Variants in LEPR observed in about 807,000 individuals in gnomAD.
LEPR encodes the protein OB receptor.
LEPR carries 56 observed loss-of-function variants against 114.7 expected under a neutral mutation model. That is an observed-to-expected ratio of 0.49 (90% CI 0.39 to 0.61). LEPR has a LOEUF of 0.61. LEPR is among the 20% of genes least tolerant of loss of function. LEPR has a pLI of 0.00. For synonymous variants in LEPR, 443 were observed against 461.4 expected (o/e 0.96, Z 0.51); for missense variants, 1,202 against 1,352.9 (o/e 0.89, Z 1.75).
chr1:65,616,170 A>G lies in LEPR; in HGVS notation c.2158A>G (p.Ile720Val), dbSNP rs1430586669. 8 of 1,613,970 alleles carry G rather than the reference A, an allele frequency of 5.0e-6. No homozygotes were observed. Among genetic ancestry groups the G allele is most frequent in the South Asian group, 3.3e-5 (3 of 91,080 alleles). Reference sequence around the variant, plus strand: ...TGTTACGGTTCTGGCCATCAATTCAATTGGTGCTTCTGTTGCAAATTTTAA... The same window carrying G: ...TGTTACGGTTCTGGCCATCAATTCAGTTGGTGCTTCTGTTGCAAATTTTAA... ...HTVTVLAINS[I>V]GASVANFNLT... The change falls in exon 15 of 20, where the codon ATT becomes GTT. Residue 720 changes from isoleucine (I) to valine (V), a missense_variant. Physicochemically the swap from Ile to Val is conservative, Grantham distance 29. Transcript: ENST00000349533.
At position 65,472,187 on chromosome 1, in the gene LEPR, C is replaced by CA. The variant is rs563306184; in HGVS notation, c.-21+46809_-21+46810insA. On this transcript the variant is annotated intron_variant, in intron 2 of 19. Transcript: ENST00000349533. Reference sequence around the variant, plus strand: ...TATCTAGAAGGTATTACCAAACATCCGTTTTTTTTAAAAAAGCATAAGGCA... The same window carrying CA: ...TATCTAGAAGGTATTACCAAACATCCAGTTTTTTTTAAAAAAGCATAAGGCA... 3.9e-3 allele frequency among the ~76,000 whole-genome samples: 587 copies of CA among 150,134 alleles called. 2 individuals carry two copies. Among genetic ancestry groups the CA allele is most frequent in the Middle Eastern group, 6.8e-3 (2 of 294 alleles).
At position 65,470,220 on chromosome 1, in the gene LEPR, C is replaced by A. The variant is rs1043546815; in HGVS notation, c.-21+44842C>A. On this transcript the variant is annotated intron_variant, in intron 2 of 19. Coordinates refer to ENST00000349533, the MANE Select transcript of LEPR (RefSeq NM_002303.6). The stretch of plus-strand genomic sequence containing the variant: ...GTGCCAATGTTGACATTTTAATAGC[C>A]CAAGAGGGGCTGAAATAACTACTCC... 2.6e-5 allele frequency among the ~76,000 whole-genome samples: 4 copies of A among 152,074 alleles called. No homozygotes were observed. The South Asian group carries it at 8.3e-4, about 32-fold the overall frequency.
At chr1:65,504,497 T>C (rs1648624656) in intron 2 of LEPR, among the ~76,000 whole-genome samples, 1 of 152,236 alleles carries the variant, frequency 6.6e-6, no homozygotes, top group African/African-American at 2.4e-5. Flanking sequence ...GGTCTTCCTC[T>C]GCATGTAACA....
At chr1:65,558,501 GTTT>G (rs781558613) in intron 2 of LEPR, among the ~76,000 whole-genome samples, 2 of 23,168 alleles carry the variant, frequency 8.6e-5, no homozygotes, top group African/African-American at 2.1e-4. Context: ...GTTTCTTAAT[GTTT>G]TTTTTTTTTT....
At chr1:65,592,411 G>A (rs1048323346) in intron 5 of LEPR, among the ~76,000 whole-genome samples, 114 of 150,832 alleles carry the variant, frequency 7.6e-4, no homozygotes, top group African/African-American at 2.4e-3. Flanking sequence ...TTTTAGAATT[G>A]CAGTTTTTCT....
At chr1:65,553,450 T>G (rs958141388) in intron 2 of LEPR, among the ~76,000 whole-genome samples, 5 of 152,118 alleles carry the variant, frequency 3.3e-5, no homozygotes, top group Admixed American at 2.0e-4. Flanking sequence ...TCTTCATGCT[T>G]TATTTCATTA....
chr1:65,511,039 T>C lies in LEPR; in HGVS notation c.-20-54507T>C, dbSNP rs77411387. On this transcript the variant is annotated intron_variant, in intron 2 of 19. Coordinates refer to ENST00000349533, the MANE Select transcript of LEPR (RefSeq NM_002303.6). ...CAAAAAAAACAAAACAAAACACTTA[T>C]TTTAGAATTGTTTTAGAGCTAAAGA... Among the ~76,000 whole-genome samples the C allele has an allele frequency of 8.4e-4, 128 of 152,292 alleles. 1 individual carries two copies. In the East Asian group the frequency reaches 0.023, roughly 27 times the overall value.
At chr1:65,430,168 A>G (rs1458763356) in intron 2 of LEPR, 7 of 868,442 alleles carry the variant, frequency 8.1e-6, no homozygotes, top group Non-Finnish European at 1.1e-5. Context: ...GTGTGTTTTT[A>G]GTTTCTCTGT....
At chr1:65,580,285 C>CA (rs1261482193) in intron 5 of LEPR, among the ~76,000 whole-genome samples, 4 of 152,198 alleles carry the variant, frequency 2.6e-5, no homozygotes, top group African/African-American at 9.6e-5. Context: ...TCAATATAAC[C>CA]AATGAGAACT....
At chr1:65,440,688 G>A (rs1646638450) in intron 2 of LEPR, among the ~76,000 whole-genome samples, 1 of 152,068 alleles carries the variant, frequency 6.6e-6, no homozygotes, top group African/African-American at 2.4e-5. Context: ...GGAGAGTGGA[G>A]GGAGATAAGA....
chr1:65,479,803 C>A (rs1262903874), intron 2 of LEPR, among the ~76,000 whole-genome samples: 2 of 152,180 alleles, frequency 1.3e-5, no homozygotes, highest in African/African-American at 4.8e-5. Flanking sequence ...GCATTCACTG[C>A]TTTCTAAGAA....
chr1:65,509,436 A>G (rs1379755879), intron 2 of LEPR, among the ~76,000 whole-genome samples: 1 of 150,178 alleles, frequency 6.7e-6, no homozygotes, highest in Admixed American at 6.6e-5. Flanking sequence ...TGCATCTATT[A>G]TGATGATCAT....
At chr1:65,563,508 C>T (rs1309155694) in intron 2 of LEPR, among the ~76,000 whole-genome samples, 110 of 18,754 alleles carry the variant, frequency 5.9e-3, no homozygotes, top group Non-Finnish European at 8.6e-3. Context: ...AATGTCCTCC[C>T]GTAGCTCAGA....
At chr1:65,634,495 A>G (rs1658644987) in intron 19 of LEPR, 1 of 944,854 alleles carries the variant, frequency 1.1e-6, no homozygotes, top group Non-Finnish European at 1.3e-6. Flanking sequence ...CTTTTAATAA[A>G]GTTTTATAAC....
intron 2 of LEPR, among the ~76,000 whole-genome samples, chr1:65,472,433 CACACA>C (rs1647096500): frequency 7.0e-6 from 1 of 143,382 alleles, no homozygotes; most frequent in African/African-American, 2.8e-5. Flanking sequence ...CACACACACA[CACACA>C]CACACACGTG....
chr1:65,616,009 C>T lies in LEPR; in HGVS notation c.1997C>T (p.Pro666Leu). The T allele has an allele frequency of 6.2e-7, 1 of 1,613,994 alleles. No homozygotes were observed. Among genetic ancestry groups the T allele is most frequent in the East Asian group, 2.2e-5 (1 of 44,862 alleles). The change falls in exon 15 of 20, where the codon CCC (proline) becomes CTC (leucine). Residue 666 changes from proline (P) to leucine (L), a missense_variant and splice_region_variant. By Grantham distance (98) the Pro-to-Leu change is moderately conservative. Coordinates refer to ENST00000349533, the MANE Select transcript of LEPR (RefSeq NM_002303.6). ...KEKNVTLLWKPLMKNDSLCSV... is the reference protein window; with the variant it reads ...KEKNVTLLWKLLMKNDSLCSV... ...AATCAATTTCTATATTTACTACAGC[C>T]CCTGATGAAAAATGACTCATTGTGC...
At chr1:65,461,425 A>G (rs1053412934) in intron 2 of LEPR, among the ~76,000 whole-genome samples, 1 of 152,190 alleles carries the variant, frequency 6.6e-6, no homozygotes, top group African/African-American at 2.4e-5. Context: ...AAATCACACA[A>G]CGATGGGGAT....
At position 65,640,921 on chromosome 1, in the gene LEPR, G is replaced by A. The variant is rs1441515967; in HGVS notation, c.*3906G>A. 4 of 139,822 alleles carry A rather than the reference G, an allele frequency of 2.9e-5. No individual in the cohort carries two copies. The highest frequency in any genetic ancestry group is 1.0e-4 in the African/African-American group (4 of 39,078). The allele number at this position is 139,822 out of a possible 1,614,324, so 8.7% of individuals were successfully genotyped here. A position where few individuals can be genotyped will look rare whatever the true frequency, so the allele number is the denominator to read the frequency against. ...GATTACGGGCACACCACCATGCCCA[G>A]CTTTTATTTATTTATTTATTTATTT... On this transcript the variant is annotated 3_prime_UTR_variant, in exon 20 of 20. Transcript: ENST00000349533.
intron 12 of LEPR, 124 bp from the exon 13 acceptor site, chr1:65,609,823 G>C: frequency 2.2e-6 from 3 of 1,362,902 alleles, no homozygotes; most frequent in Non-Finnish European, 3.1e-6. Flanking sequence ...TGAAGGCAGA[G>C]AACACAGAAT....
Sources: gnomAD v4.1 joint callset for allele counts (sites outside exome capture counted in the v4.1 genomes callset) on GRCh38, gnomAD v4.1.1 for gene constraint, MANE v1.5 for transcripts, NCBI Gene and HGNC (gene_info 2026-07-23, HGNC 2026-07-21) for gene names.